LRTM3: variants seen among roughly 807,000 people sequenced by gnomAD.
The protein encoded by LRTM3 is leucine-rich repeat transmembrane protein 3.
the LRTM3 span, chr13:102,740,381 C>T: frequency 6.5e-7 from 1 of 1,550,248 alleles, no homozygotes; most frequent in Non-Finnish European, 8.7e-7. Flanking sequence ...CAAGTCTAGT[C>T]CTGGTGTCCG....
At chr13:102,749,106 G>A in the LRTM3 span, 2 of 1,549,402 alleles carry the variant, frequency 1.3e-6, no homozygotes, top group Non-Finnish European at 1.7e-6. Context: ...TTCCTTTCAT[G>A]TAATTCTTTC....
chr13:102,734,871 G>C, the LRTM3 span: 1 of 1,551,018 alleles, frequency 6.4e-7, no homozygotes, highest in East Asian at 2.4e-5. Flanking sequence ...CTTACTATTT[G>C]CACGTCATCC....
chr13:102,736,288 C>T, the LRTM3 span: 14 of 1,550,980 alleles, frequency 9.0e-6, no homozygotes, highest in East Asian at 3.2e-4. Context: ...TCATGCCCCA[C>T]TGTGGCTCCT....
chr13:102,738,034 T>A, the LRTM3 span: 6,410 of 1,550,714 alleles, frequency 4.1e-3, 16 homozygotes, highest in Middle Eastern at 8.9e-3. Context: ...TTTCTTGTCC[T>A]GCACCTCTTC....
the LRTM3 span, chr13:102,750,311 A>C: frequency 2.6e-6 from 4 of 1,546,622 alleles, no homozygotes; most frequent in Non-Finnish European, 3.5e-6. Flanking sequence ...TGAGAATAAA[A>C]TTCTATCTTC....
chr13:102,748,018 T>C, the LRTM3 span: 1 of 1,551,156 alleles, frequency 6.4e-7, no homozygotes, highest in South Asian at 1.2e-5. Flanking sequence ...TATCAATGTA[T>C]TCTGCGTTCT....
At chr13:102,745,835 T>G in the LRTM3 span, 7 of 1,551,220 alleles carry the variant, frequency 4.5e-6, no homozygotes, top group Non-Finnish European at 6.1e-6. Flanking sequence ...AAATGGAAAT[T>G]GATCCAGTGT....
chr13:102,743,198 T>C, the LRTM3 span: 3 of 1,550,726 alleles, frequency 1.9e-6, no homozygotes, highest in South Asian at 1.2e-5. Flanking sequence ...CTTTACCAAG[T>C]TGGAAGTTCT....
chr13:102,745,730 G>A, the LRTM3 span: 3 of 1,550,998 alleles, frequency 1.9e-6, no homozygotes, highest in Non-Finnish European at 2.6e-6. Context: ...AGAATCAGAT[G>A]AGATACCACC....
the LRTM3 span, chr13:102,735,411 T>C: frequency 1.3e-6 from 2 of 1,551,354 alleles, no homozygotes; most frequent in Non-Finnish European, 1.7e-6. Flanking sequence ...TTTGCAATTC[T>C]TATCACGTTC....
chr13:102,739,730 T>C, the LRTM3 span: 3 of 1,549,360 alleles, frequency 1.9e-6, no homozygotes, highest in Non-Finnish European at 2.6e-6. Context: ...TGATATGTGT[T>C]GTTTTGTACT....
the LRTM3 span, among the ~76,000 whole-genome samples, chr13:102,756,391 G>A: frequency 6.6e-6 from 1 of 151,594 alleles, no homozygotes; most frequent in Non-Finnish European, 1.5e-5. Context: ...AGAACTACAG[G>A]GCCAGGTGCA....
the LRTM3 span, chr13:102,748,394 C>T: frequency 6.4e-7 from 1 of 1,551,038 alleles, no homozygotes; most frequent in Admixed American, 2.0e-5. Flanking sequence ...AATGAGCAAA[C>T]CGACATTTGA....
the LRTM3 span, chr13:102,744,792 T>A: frequency 6.4e-7 from 1 of 1,550,674 alleles, no homozygotes; most frequent in Non-Finnish European, 8.7e-7. Context: ...CCACTTTCCA[T>A]GTCAGTCAAA....
At chr13:102,758,754 G>A in the LRTM3 span, 1 of 1,550,968 alleles carries the variant, frequency 6.4e-7, no homozygotes, top group Non-Finnish European at 8.7e-7. Context: ...CTTCCAAAAG[G>A]ATGCACAAGC....
At chr13:102,743,370 T>C in the LRTM3 span, 2 of 1,550,582 alleles carry the variant, frequency 1.3e-6, no homozygotes, top group Non-Finnish European at 1.7e-6. Flanking sequence ...GAAGTTGTAT[T>C]TGGAAATGTA....
the LRTM3 span, chr13:102,749,356 G>A: frequency 1.9e-6 from 3 of 1,551,292 alleles, no homozygotes; most frequent in Non-Finnish European, 2.6e-6. Flanking sequence ...TTTGTTGCTG[G>A]CCTTGTGCTT....
chr13:102,729,945 A>C, the LRTM3 span: 2 of 1,551,956 alleles, frequency 1.3e-6, no homozygotes, highest in Non-Finnish European at 1.7e-6. Context: ...GATTCAGTTA[A>C]GGGAGCTGAA....
chr13:102,736,853 G>A, the LRTM3 span: 3 of 1,551,004 alleles, frequency 1.9e-6, no homozygotes, highest in South Asian at 2.4e-5. Flanking sequence ...ATTCAAATAT[G>A]ACAATGTATA....
Sources: allele counts gnomAD v4.1 joint callset (sites outside exome capture counted in the v4.1 genomes callset), GRCh38; gene constraint gnomAD v4.1.1; transcripts MANE v1.5; gene names NCBI Gene and HGNC (gene_info 2026-07-23, HGNC 2026-07-21).